Variants in CD2AP observed in about 807,000 individuals in gnomAD.
CD2AP encodes the protein CD2-associated protein.
Under a neutral mutation model 85.1 loss-of-function variants are expected in CD2AP, and 46 were observed. The observed-to-expected ratio is 0.54, with a 90% CI of 0.43 to 0.69. The LOEUF (loss-of-function observed/expected upper bound fraction) is 0.69. Among genes scored for constraint, CD2AP ranks in the 30% least tolerant of loss-of-function variants. CD2AP has a pLI of 0.00. For synonymous variants in CD2AP, 255 were observed against 252.9 expected (o/e 1.01, Z -0.08); for missense variants, 769 against 729.5 (o/e 1.05, Z -0.62).
rs1423470917 is a variant in CD2AP, at chr6:47,624,705, GTGTGTGTGTGTGTGTGTATATA to G, written c.*480_*501del. The G allele has an allele frequency of 1.5e-5, 2 of 137,574 alleles. No homozygotes were observed. Among genetic ancestry groups the G allele is most frequent in the East Asian group, 2.0e-4 (1 of 5,012 alleles). The allele number at this position is 137,574 out of a possible 1,614,324, so 8.5% of individuals were successfully genotyped here. ...TGTGTGTGTGTGTGTGTGTGTGTGT[GTGTGTGTGTGTGTGTGTATATA>G]TATATATATATTTTTACTTTTATCC... On this transcript the variant is annotated 3_prime_UTR_variant, in exon 18 of 18. Coordinates refer to ENST00000359314, the MANE Select transcript of CD2AP (RefSeq NM_012120.3).
intron 5 of CD2AP, among the ~76,000 whole-genome samples, chr6:47,570,074 G>T (rs1218924650): frequency 6.6e-6 from 1 of 152,092 alleles, no homozygotes; most frequent in Non-Finnish European, 1.5e-5. Flanking sequence ...GAGAATAATG[G>T]TGAAAGATGA....
chr6:47,582,623 T>TA (rs1385045574), intron 11 of CD2AP, among the ~76,000 whole-genome samples: 1 of 152,164 alleles, frequency 6.6e-6, no homozygotes, highest in African/African-American at 2.4e-5. Flanking sequence ...GAAACTTGAA[T>TA]ACTATTTTAG....
In CD2AP at chr6:47,524,032, A is replaced by G. The variant is rs985690776; in HGVS notation, c.166-9570A>G. 5.9e-5 allele frequency among the ~76,000 whole-genome samples: 9 copies of G among 152,300 alleles called. No homozygotes were observed. The East Asian group carries it at 1.7e-3, about 29-fold the overall frequency. ...TCTTTTAAATGGAATTATTTGTACCATTTCCCCCTTTTACATACTATTCTT... is the reference window on the plus strand; with the variant it reads ...TCTTTTAAATGGAATTATTTGTACCGTTTCCCCCTTTTACATACTATTCTT... On this transcript the variant is annotated intron_variant, in intron 2 of 17. Coordinates refer to ENST00000359314, the MANE Select transcript of CD2AP (RefSeq NM_012120.3).
chr6:47,486,666 C>G (rs1352895902), intron 1 of CD2AP, among the ~76,000 whole-genome samples: 3 of 152,126 alleles, frequency 2.0e-5, no homozygotes, highest in African/African-American at 7.2e-5. Flanking sequence ...CAGATGTGTA[C>G]TTTTACCTGA....
chr6:47,604,536 T>A (rs1769219627), intron 13 of CD2AP, among the ~76,000 whole-genome samples: 1 of 152,076 alleles, frequency 6.6e-6, no homozygotes, highest in Admixed American at 6.6e-5. Flanking sequence ...TTGAAAATAA[T>A]CTCTACAGGC....
intron 1 of CD2AP, among the ~76,000 whole-genome samples, chr6:47,480,889 A>T (rs931336650): frequency 2.6e-5 from 4 of 152,172 alleles, no homozygotes; most frequent in Non-Finnish European, 5.9e-5. Flanking sequence ...TCAATGTTGG[A>T]TGTACTGTGC....
chr6:47,485,059 A>G (rs1765532565), intron 1 of CD2AP, among the ~76,000 whole-genome samples: 1 of 152,228 alleles, frequency 6.6e-6, no homozygotes, highest in South Asian at 2.1e-4. Context: ...CCAGTTGTAT[A>G]AAAGTATAGC....
At chr6:47,543,378 T>C (rs1333535802) in intron 3 of CD2AP, among the ~76,000 whole-genome samples, 1 of 152,108 alleles carries the variant, frequency 6.6e-6, no homozygotes, top group African/African-American at 2.4e-5. Context: ...GGGTACAAGA[T>C]TGAGAACCAC....
At chr6:47,484,160 T>C (rs890077847) in intron 1 of CD2AP, among the ~76,000 whole-genome samples, 1 of 152,176 alleles carries the variant, frequency 6.6e-6, no homozygotes, top group Non-Finnish European at 1.5e-5. Context: ...TAGGTAGATC[T>C]TTAGACAGTA....
intron 1 of CD2AP, among the ~76,000 whole-genome samples, chr6:47,498,066 G>A (rs909170518): frequency 6.6e-6 from 1 of 151,108 alleles, no homozygotes; most frequent in African/African-American, 2.4e-5. Flanking sequence ...TTTATTCTGA[G>A]GTTGGTGCCA....
chr6:47,552,643 A>G (rs1048489810), intron 4 of CD2AP, among the ~76,000 whole-genome samples: 2 of 152,008 alleles, frequency 1.3e-5, no homozygotes, highest in Non-Finnish European at 2.9e-5. Flanking sequence ...CCACTGTACT[A>G]CTCTGCCTCC....
At chr6:47,575,840 GT>G (rs796524727) in intron 6 of CD2AP, among the ~76,000 whole-genome samples, 12 of 151,350 alleles carry the variant, frequency 7.9e-5, no homozygotes, top group African/African-American at 1.2e-4. Flanking sequence ...AGTATAAAGA[GT>G]TTTTTTTTCT....
chr6:47,581,029 A>G (rs560691295), intron 10 of CD2AP, 129 bp downstream of exon 10: 3 of 718,194 alleles, frequency 4.2e-6, no homozygotes, highest in African/African-American at 3.5e-5. Flanking sequence ...TTAGAAATAT[A>G]TGAAAATTGA....
At chr6:47,573,943 T>G in intron 5 of CD2AP, 121 bp from the exon 6 acceptor site, 1 of 862,708 alleles carries the variant, frequency 1.2e-6, no homozygotes, top group Non-Finnish European at 2.0e-6. Flanking sequence ...CAGTACTGAA[T>G]AGTTTAATTT....
chr6:47,486,175 T>C (rs1765559686), intron 1 of CD2AP, among the ~76,000 whole-genome samples: 1 of 152,238 alleles, frequency 6.6e-6, no homozygotes, highest in African/African-American at 2.4e-5. Flanking sequence ...TGTTAAATGC[T>C]TGGGGGTTTA....
chr6:47,504,589 A>G (rs966104996), intron 2 of CD2AP, among the ~76,000 whole-genome samples: 3 of 152,196 alleles, frequency 2.0e-5, no homozygotes, highest in African/African-American at 7.2e-5. Context: ...TGTTATGTAA[A>G]TAATTGTTAT....
chr6:47,561,866 C>T (rs559876743), intron 5 of CD2AP, among the ~76,000 whole-genome samples: 1 of 152,224 alleles, frequency 6.6e-6, no homozygotes, highest in African/African-American at 2.4e-5. Context: ...CTGCAACCTC[C>T]GCCTCCCGGG....
At chr6:47,492,601 T>C (rs116203029) in intron 1 of CD2AP, among the ~76,000 whole-genome samples, 1 of 152,208 alleles carries the variant, frequency 6.6e-6, no homozygotes, top group African/African-American at 2.4e-5. Flanking sequence ...CCGCCTGGGA[T>C]TACAGGTGTG....
intron 11 of CD2AP, among the ~76,000 whole-genome samples, chr6:47,587,122 A>G (rs565337048): frequency 1.3e-5 from 2 of 152,216 alleles, no homozygotes; most frequent in African/African-American, 4.8e-5. Flanking sequence ...TCAAAGTTCT[A>G]CCCTTGTTCC....
Sources: allele counts gnomAD v4.1 joint callset (sites outside exome capture counted in the v4.1 genomes callset), GRCh38; gene constraint gnomAD v4.1.1; transcripts MANE v1.5; gene names NCBI Gene and HGNC (gene_info 2026-07-23, HGNC 2026-07-21).